Variants in SLC24A2 observed in about 807,000 individuals in gnomAD.
SLC24A2 encodes the protein solute carrier family 24 member 2.
In SLC24A2, 36 loss-of-function variants were observed where a neutral mutation model predicts 62.0. The observed-to-expected ratio is 0.58, with a 90% CI of 0.44 to 0.77. The LOEUF is 0.77. Among genes scored for constraint, SLC24A2 ranks in the 30% least tolerant of loss-of-function variants. The pLI, the probability that SLC24A2 is intolerant of heterozygous loss-of-function variation, is 0.00. For synonymous variants in SLC24A2, 358 were observed against 294.0 expected, an observed-to-expected ratio of 1.22 and a Z score of -2.23; for missense variants, 846 against 817.9, an observed-to-expected ratio of 1.03 and a Z score of -0.42.
At chr9:20,091,864 G>C in the SLC24A2 span, among the ~76,000 whole-genome samples, 2 of 152,120 alleles carry the variant, frequency 1.3e-5, no homozygotes, top group African/African-American at 4.8e-5. Context: ...ATGGCAGATT[G>C]GATAAAGAAA....
chr9:20,160,104 A>C, the SLC24A2 span, among the ~76,000 whole-genome samples: 1 of 151,472 alleles, frequency 6.6e-6, no homozygotes, highest in Admixed American at 6.6e-5. Context: ...CCAATGACTT[A>C]CTAGATAATG....
chr9:19,902,206 C>G, the SLC24A2 span, among the ~76,000 whole-genome samples: 3 of 152,168 alleles, frequency 2.0e-5, no homozygotes, highest in African/African-American at 7.2e-5. Context: ...CACCTCCTGT[C>G]CTGTCATGGC....
chr9:20,234,830 C>T, the SLC24A2 span, among the ~76,000 whole-genome samples: 1 of 152,152 alleles, frequency 6.6e-6, no homozygotes, highest in African/African-American at 2.4e-5. Flanking sequence ...AGTTTTTCTG[C>T]TCTGTTTTTT....
chr9:19,735,067 A>G (rs1479021294), intron 2 of SLC24A2, among the ~76,000 whole-genome samples: 10 of 152,172 alleles, frequency 6.6e-5, no homozygotes, highest in Admixed American at 6.5e-4. Context: ...ATCAGAGTGA[A>G]CAGGCAACCT....
At chr9:19,619,886 G>T (rs920249097) in intron 3 of SLC24A2, among the ~76,000 whole-genome samples, 194 bp from the exon 4 acceptor site, 1 of 152,210 alleles carries the variant, frequency 6.6e-6, no homozygotes, top group South Asian at 2.1e-4. Context: ...CTAAATGAAT[G>T]CATTGCTTCC....
the SLC24A2 span, among the ~76,000 whole-genome samples, chr9:19,805,661 A>T: frequency 5.3e-5 from 8 of 152,138 alleles, no homozygotes; most frequent in East Asian, 1.2e-3. Context: ...AAACATAGTG[A>T]GCGATCAAAA....
At chr9:20,151,672 T>G in the SLC24A2 span, among the ~76,000 whole-genome samples, 1 of 151,872 alleles carries the variant, frequency 6.6e-6, no homozygotes, top group Admixed American at 6.6e-5. Context: ...TTTCTCTATG[T>G]TCATAAATGG....
At chr9:20,286,877 A>G in the SLC24A2 span, among the ~76,000 whole-genome samples, 70,350 of 151,976 alleles carry the variant, frequency 0.46, 16,862 homozygotes, top group East Asian at 0.72. Flanking sequence ...TTCCAACCCT[A>G]CTAACTCTTA....
intron 8 of SLC24A2, 40 bp from the exon 9 acceptor site, chr9:19,528,178 T>C (rs778462804): frequency 3.8e-6 from 5 of 1,303,344 alleles, no homozygotes; most frequent in South Asian, 1.3e-5. Context: ...ATCAGTGTTA[T>C]CCATTGAGAC....
At chr9:19,569,027 A>G (rs779783049) in intron 7 of SLC24A2, among the ~76,000 whole-genome samples, 2 of 152,170 alleles carry the variant, frequency 1.3e-5, no homozygotes, top group Non-Finnish European at 2.9e-5. Flanking sequence ...ATTGGAGGTC[A>G]TTCCATAGCA....
chr9:19,933,844 T>A, the SLC24A2 span, among the ~76,000 whole-genome samples: 8 of 152,222 alleles, frequency 5.3e-5, no homozygotes, highest in East Asian at 1.2e-3. Flanking sequence ...GAAAACTTTA[T>A]CCTAAGTGAA....
intron 2 of SLC24A2, among the ~76,000 whole-genome samples, chr9:19,755,913 C>A (rs1375008360): frequency 1.2e-5 from 1 of 80,744 alleles, no homozygotes; most frequent in Admixed American, 1.5e-4. Context: ...CATTGTATTA[C>A]AATGGGCTGT....
chr9:19,631,660 A>C (rs971958704), intron 2 of SLC24A2, among the ~76,000 whole-genome samples: 3 of 152,150 alleles, frequency 2.0e-5, no homozygotes, highest in African/African-American at 7.2e-5. Context: ...TAGAGCTTTG[A>C]AAGGAAGGAG....
At chr9:19,789,050 G>A (rs971846228), upstream of SLC24A2, 6 of 690,620 alleles carry the variant, frequency 8.7e-6, no homozygotes. Context: ...GCCGCTGTGA[G>A]CCCGGCGCTC....
the SLC24A2 span, among the ~76,000 whole-genome samples, chr9:20,174,412 C>G: frequency 2.0e-5 from 3 of 151,874 alleles, no homozygotes; most frequent in African/African-American, 2.4e-5. Context: ...GCAGAGTAAA[C>G]AGACAACCCA....
the SLC24A2 span, among the ~76,000 whole-genome samples, chr9:20,261,126 G>C: frequency 3.9e-5 from 6 of 151,956 alleles, no homozygotes; most frequent in Non-Finnish European, 8.8e-5. Flanking sequence ...GTAAAGTGCT[G>C]GGATTACAGG....
At chr9:19,532,818 T>C (rs1390984241) in intron 8 of SLC24A2, among the ~76,000 whole-genome samples, 2 of 152,222 alleles carry the variant, frequency 1.3e-5, no homozygotes, top group Non-Finnish European at 2.9e-5. Context: ...AACATCTAGC[T>C]GGGTTCTCAG....
chr9:20,184,883 A>C, the SLC24A2 span, among the ~76,000 whole-genome samples: 1 of 152,212 alleles, frequency 6.6e-6, no homozygotes, highest in Non-Finnish European at 1.5e-5. Flanking sequence ...TGGATTAAAA[A>C]AAATGTGGCA....
rs532400604 is a variant in SLC24A2, at chr9:19,752,290, A to C, written c.930+33647T>G. The stretch of plus-strand genomic sequence containing the variant: ...ACCCTAGGAAAGGGTGAGTTACTGC[A>C]GATCTCATCAGCAGTGGTCAAACAT... On this transcript the variant is annotated intron_variant, in intron 2 of 10. Transcript: ENST00000341998. Among the ~76,000 whole-genome samples, 13 of 152,216 alleles carry C rather than the reference A, an allele frequency of 8.5e-5. 1 individual carries two copies. Among genetic ancestry groups the C allele is most frequent in the African/African-American group, 3.1e-4 (13 of 41,548 alleles).
Sources: allele counts gnomAD v4.1 joint callset (sites outside exome capture counted in the v4.1 genomes callset), GRCh38; gene constraint gnomAD v4.1.1; transcripts MANE v1.5; gene names NCBI Gene and HGNC (gene_info 2026-07-23, HGNC 2026-07-21).